Variants in SH3KBP1 observed in about 807,000 individuals in gnomAD.
The protein encoded by SH3KBP1 is SH3 domain containing kinase binding protein 1.
Under a neutral mutation model 50.1 loss-of-function variants are expected in SH3KBP1, and 8 were observed. The observed-to-expected ratio is 0.16, with a 90% CI of 0.09 to 0.29. SH3KBP1 has a LOEUF of 0.29. Among genes scored for constraint, SH3KBP1 ranks in the 10% least tolerant of loss-of-function variants. SH3KBP1 has a pLI of 1.00. For synonymous variants in SH3KBP1, 227 were observed against 218.6 expected (o/e 1.04, Z -0.34); for missense variants, 377 against 535.2 (o/e 0.70, Z 2.92).
intron 2 of SH3KBP1, among the ~76,000 whole-genome samples, chrX:19,804,214 T>C (rs866316025): frequency 3.6e-5 from 4 of 111,153 alleles, no homozygotes; most frequent in Admixed American, 9.5e-5. Flanking sequence ...CCCAGGAGCG[T>C]AGGAAAGAGC....
chrX:19,637,402 C>T (rs1481499394), intron 7 of SH3KBP1, among the ~76,000 whole-genome samples: 1 of 112,000 alleles, frequency 8.9e-6, no homozygotes, highest in African/African-American at 3.2e-5. Flanking sequence ...TCGAGGAGCT[C>T]AAGTAGCAGA....
At chrX:19,574,823 T>G (rs1009539389) in intron 12 of SH3KBP1, among the ~76,000 whole-genome samples, 1 of 112,449 alleles carries the variant, frequency 8.9e-6, no homozygotes, top group African/African-American at 3.2e-5. Context: ...GACTAAATTG[T>G]GTCCTCTCAA....
intron 6 of SH3KBP1, chrX:19,683,279 A>G (rs2063098723): frequency 2.8e-6 from 1 of 360,907 alleles, no homozygotes. Flanking sequence ...AGCTTCCTGA[A>G]GGGAACAACC....
intron 1 of SH3KBP1, among the ~76,000 whole-genome samples, chrX:19,873,286 A>ACGTATATATATATATATATATATATACG (rs200576869): frequency 3.3e-5 from 3 of 91,848 alleles, no homozygotes; most frequent in African/African-American, 1.4e-4. Flanking sequence ...ATATATATAT[A>ACGTATATATATATATATATATATATACG]TATGTATATA....
At chrX:19,648,086 C>T in intron 6 of SH3KBP1, 1 of 375,037 alleles carries the variant, frequency 2.7e-6, no homozygotes, top group South Asian at 2.3e-5. Context: ...TCCCACCAAA[C>T]ACATCTGCCT....
chrX:19,671,371 A>AACACACACAC (rs745414505), intron 6 of SH3KBP1, among the ~76,000 whole-genome samples: 1,332 of 101,812 alleles, frequency 0.013, 18 homozygotes, highest in African/African-American at 0.031. Flanking sequence ...ATTACTCATA[A>AACACACACAC]ACACACACAC....
chrX:19,537,673 A>G (rs1391913398), intron 17 of SH3KBP1, 44 bp downstream of exon 17: 1 of 1,118,336 alleles, frequency 8.9e-7, no homozygotes, highest in Non-Finnish European at 1.2e-6. Flanking sequence ...GTCCTGCCCC[A>G]CTGAGCCTAG....
intron 2 of SH3KBP1, among the ~76,000 whole-genome samples, chrX:19,753,694 G>T (rs1420898772): frequency 9.0e-6 from 1 of 111,538 alleles, no homozygotes. Flanking sequence ...TTAAGATTCT[G>T]TTTCTTTAAA....
At chrX:19,672,043 C>A (rs2062810714) in intron 6 of SH3KBP1, among the ~76,000 whole-genome samples, 1 of 112,240 alleles carries the variant, frequency 8.9e-6, no homozygotes, top group Non-Finnish European at 1.9e-5. Context: ...AAATAAGATG[C>A]TGTCCCAGTC....
At chrX:19,561,272 A>C (rs1343222653) in intron 13 of SH3KBP1, among the ~76,000 whole-genome samples, 1 of 110,095 alleles carries the variant, frequency 9.1e-6, no homozygotes, top group African/African-American at 3.3e-5. Context: ...GAGTCCCCCA[A>C]AACTGCTAGA....
intron 8 of SH3KBP1, among the ~76,000 whole-genome samples, chrX:19,613,245 C>G (rs2067486997): frequency 8.9e-6 from 1 of 112,177 alleles, no homozygotes; most frequent in Admixed American, 9.4e-5. Context: ...ATCTGGGGCG[C>G]TATTAATAAA....
intron 15 of SH3KBP1, among the ~76,000 whole-genome samples, chrX:19,542,842 G>A (rs1037368483): frequency 8.9e-6 from 1 of 111,843 alleles, no homozygotes; most frequent in African/African-American, 3.3e-5. Flanking sequence ...GTCAGAGGGG[G>A]CAAGAGAGGG....
At chrX:19,878,185 G>A (rs1053549266) in intron 1 of SH3KBP1, among the ~76,000 whole-genome samples, 2 of 111,750 alleles carry the variant, frequency 1.8e-5, no homozygotes, top group East Asian at 2.8e-4. Flanking sequence ...ACAGGTTGCT[G>A]GTGGACCTTT....
chrX:19,740,855 G>T, intron 3 of SH3KBP1: 3 of 260,667 alleles, frequency 1.2e-5, no homozygotes, highest in East Asian at 1.1e-4. Flanking sequence ...AAGCATTCCA[G>T]GCCCTCACAC....
At chrX:19,843,815 A>G (rs1298176510) in intron 1 of SH3KBP1, among the ~76,000 whole-genome samples, 1 of 111,573 alleles carries the variant, frequency 9.0e-6, no homozygotes, top group East Asian at 2.8e-4. Flanking sequence ...AAGAGAAAAA[A>G]CAAACCCGGC....
rs187543728 is a variant in SH3KBP1, at chrX:19,669,287, C to A, written c.726+14536G>T. ...AGCTGAGGATGATTTCTATTTATTT[C>A]TTTGTATTCTTCAACTTTGAATAAT... is the stretch of plus-strand genomic sequence containing the variant. On this transcript the variant is annotated intron_variant, in intron 6 of 17. Transcript: ENST00000397821. Among the ~76,000 whole-genome samples the A allele has an allele frequency of 6.2e-4, 64 of 103,261 alleles. 1 individual carries two copies. Among genetic ancestry groups the A allele is most frequent in the African/African-American group, 2.0e-3 (55 of 27,709 alleles). 89.7% of individuals were successfully genotyped at this position (103,261 alleles called of 115,157 possible).
intron 16 of SH3KBP1, 64 bp downstream of exon 16, chrX:19,541,861 A>G (rs1353766613): frequency 8.8e-7 from 1 of 1,138,231 alleles, no homozygotes; most frequent in African/African-American, 1.8e-5. Context: ...TGCTTTCAGA[A>G]CTAGGTGCTG....
chrX:19,638,924 C>G (rs757374918), intron 7 of SH3KBP1, among the ~76,000 whole-genome samples: 1 of 112,074 alleles, frequency 8.9e-6, no homozygotes, highest in South Asian at 3.7e-4. Context: ...CAGTTTGAAA[C>G]TAGGGCTTCC....
intron 3 of SH3KBP1, among the ~76,000 whole-genome samples, chrX:19,729,584 G>T (rs1049352134): frequency 8.9e-6 from 1 of 112,134 alleles, no homozygotes; most frequent in African/African-American, 3.2e-5. Flanking sequence ...ATTTCTGTGG[G>T]TCATTCCTGG....
Sources: allele counts gnomAD v4.1 joint callset (sites outside exome capture counted in the v4.1 genomes callset), GRCh38; gene constraint gnomAD v4.1.1; transcripts MANE v1.5; gene names NCBI Gene and HGNC (gene_info 2026-07-23, HGNC 2026-07-21).